The following SHISA9 variants were observed in gnomAD, a reference collection of about 807,000 sequenced individuals.
SHISA9 encodes protein shisa-9.
In SHISA9, 13 loss-of-function variants were observed where a neutral mutation model predicts 38.0. The observed-to-expected ratio is 0.34, with a 90% confidence interval of 0.22 to 0.54. The LOEUF (loss-of-function observed/expected upper bound fraction) is 0.54, where lower values mean the gene tolerates loss of function less well. Among genes scored for constraint, SHISA9 ranks in the 20% least tolerant of loss-of-function variants. The pLI, the probability that SHISA9 is intolerant of heterozygous loss-of-function variation, is 0.91. For missense variants in SHISA9, 538 were observed against 575.8 expected, an observed-to-expected ratio of 0.93 and a Z score of 0.67; for synonymous variants, 275 against 242.0, an observed-to-expected ratio of 1.14 and a Z score of -1.27.
At chr16:13,508,314 C>G in the SHISA9 span, among the ~76,000 whole-genome samples, 1 of 152,170 alleles carries the variant, frequency 6.6e-6, no homozygotes, top group Admixed American at 6.5e-5. Context: ...AATGCACCAT[C>G]ATTTAATGAA....
the SHISA9 span, among the ~76,000 whole-genome samples, chr16:13,483,542 C>G: frequency 6.6e-6 from 1 of 152,082 alleles, no homozygotes; most frequent in East Asian, 1.9e-4. Context: ...CTTCCATAGC[C>G]TTTTTCCAGT....
chr16:13,229,019 G>A (rs138311010), intron 4 of SHISA9, among the ~76,000 whole-genome samples: 2,635 of 152,272 alleles, frequency 0.017, 36 homozygotes, highest in Non-Finnish European at 0.027. Context: ...AATCAGCCAG[G>A]AGTGGTGTCA....
At chr16:13,356,626 G>A in the SHISA9 span, among the ~76,000 whole-genome samples, 1 of 152,108 alleles carries the variant, frequency 6.6e-6, no homozygotes, top group Non-Finnish European at 1.5e-5. Context: ...GAGCAGCCTG[G>A]GGAGGAAGGG....
At chr16:13,257,755 G>T in the SHISA9 span, among the ~76,000 whole-genome samples, 1 of 152,158 alleles carries the variant, frequency 6.6e-6, no homozygotes, top group African/African-American at 2.4e-5. Context: ...GAGTGTGAAA[G>T]CTCCCTCTCT....
chr16:13,219,986 A>C (rs2051207288), intron 4 of SHISA9, among the ~76,000 whole-genome samples: 1 of 152,088 alleles, frequency 6.6e-6, no homozygotes, highest in Non-Finnish European at 1.5e-5. Context: ...TAGGAAAGAG[A>C]TGCATCTCAC....
At chr16:12,929,084 A>G (rs1348937624) in intron 2 of SHISA9, among the ~76,000 whole-genome samples, 3 of 152,226 alleles carry the variant, frequency 2.0e-5, no homozygotes, top group African/African-American at 7.2e-5. Context: ...GAAAGCCACA[A>G]TGAGATACCA....
At chr16:13,491,181 C>T in the SHISA9 span, among the ~76,000 whole-genome samples, 31 of 152,148 alleles carry the variant, frequency 2.0e-4, no homozygotes, top group African/African-American at 7.0e-4. Context: ...TTGAACTCTG[C>T]TCTCTTTGTT....
At chr16:13,122,116 T>C (rs1470210074) in intron 2 of SHISA9, among the ~76,000 whole-genome samples, 3 of 152,190 alleles carry the variant, frequency 2.0e-5, no homozygotes, top group African/African-American at 7.2e-5. Flanking sequence ...ATCTAGCACA[T>C]GCCTTGCCCA....
the SHISA9 span, among the ~76,000 whole-genome samples, chr16:13,469,278 A>AAG: frequency 1.7e-4 from 22 of 132,450 alleles, no homozygotes; most frequent in Admixed American, 6.1e-4. Context: ...AATTTAAGGT[A>AAG]AGAGAGAGAG....
At chr16:13,211,609 A>G (rs1215327905) in intron 3 of SHISA9, among the ~76,000 whole-genome samples, 2 of 152,196 alleles carry the variant, frequency 1.3e-5, no homozygotes, top group African/African-American at 4.8e-5. Context: ...TCTAATGTCC[A>G]TGAGTGTGAC....
At chr16:13,121,926 C>G (rs990191352) in intron 2 of SHISA9, among the ~76,000 whole-genome samples, 2 of 151,828 alleles carry the variant, frequency 1.3e-5, no homozygotes, top group African/African-American at 2.4e-5. Flanking sequence ...TCTTCCCTCT[C>G]AGCCTGAGTT....
chr16:13,430,358 T>C, the SHISA9 span, among the ~76,000 whole-genome samples: 1 of 152,176 alleles, frequency 6.6e-6, no homozygotes, highest in Admixed American at 6.5e-5. Context: ...TTGATTCTTA[T>C]GTATTTAGGG....
At chr16:13,415,426 C>T in the SHISA9 span, among the ~76,000 whole-genome samples, 1 of 151,904 alleles carries the variant, frequency 6.6e-6, no homozygotes, top group African/African-American at 2.4e-5. Flanking sequence ...ACACACTGGG[C>T]CTTATTGGAG....
chr16:13,426,846 A>T, the SHISA9 span, among the ~76,000 whole-genome samples: 1 of 152,228 alleles, frequency 6.6e-6, no homozygotes. Flanking sequence ...CTCAGCTGCA[A>T]GTATCACCAA....
intron 2 of SHISA9, among the ~76,000 whole-genome samples, chr16:13,184,107 C>T (rs1438704): frequency 1.3e-5 from 2 of 151,782 alleles, no homozygotes; most frequent in African/African-American, 4.8e-5. Flanking sequence ...TGTCCCTCCA[C>T]TCCAAGAACT....
chr16:13,377,470 C>T, the SHISA9 span, among the ~76,000 whole-genome samples: 5 of 152,146 alleles, frequency 3.3e-5, no homozygotes, highest in Admixed American at 3.3e-4. Flanking sequence ...TCCCAATATG[C>T]CTCTGTTACC....
At chr16:13,290,883 A>G in the SHISA9 span, among the ~76,000 whole-genome samples, 1 of 152,174 alleles carries the variant, frequency 6.6e-6, no homozygotes, top group African/African-American at 2.4e-5. Flanking sequence ...ACACACAGCA[A>G]GTTGTTGACT....
At chr16:13,105,964 C>A (rs558841547) in intron 2 of SHISA9, among the ~76,000 whole-genome samples, 1 of 152,216 alleles carries the variant, frequency 6.6e-6, no homozygotes, top group Non-Finnish European at 1.5e-5. Flanking sequence ...GGGTTGACTT[C>A]TCCATGTGCC....
the SHISA9 span, among the ~76,000 whole-genome samples, chr16:13,505,287 T>C: frequency 0.29 from 43,796 of 152,116 alleles, 6,864 homozygotes; most frequent in East Asian, 0.37. Context: ...AAGAAGCTTT[T>C]TGTGGCTCTG....
Sources: allele counts gnomAD v4.1 joint callset (sites outside exome capture counted in the v4.1 genomes callset), GRCh38; gene constraint gnomAD v4.1.1; transcripts MANE v1.5; gene names NCBI Gene and HGNC (gene_info 2026-07-23, HGNC 2026-07-21).